BRWD1: variants seen among roughly 807,000 people sequenced by gnomAD.
BRWD1 encodes bromodomain and WD repeat domain containing 1, also known as bromodomain and WD repeat-containing protein 1.
Under a neutral mutation model 251.2 loss-of-function variants are expected in BRWD1, and 82 were observed. That is an observed-to-expected ratio of 0.33 (90% CI 0.27 to 0.39). The LOEUF is 0.39. Ranked by LOEUF, BRWD1 falls within the 10% of genes least tolerant of loss-of-function variation. BRWD1 has a pLI of 1.00. For missense variants in BRWD1, 2,233 were observed against 2,711.6 expected, an observed-to-expected ratio of 0.82 and a Z score of 3.92; for synonymous variants, 918 against 902.8, an observed-to-expected ratio of 1.02 and a Z score of -0.30.
At position 39,296,261 on chromosome 21, in the gene BRWD1, T is replaced by C; in HGVS notation, c.448+4A>G. 1 of 1,587,124 alleles carries C rather than the reference T, an allele frequency of 6.3e-7. No homozygotes were observed. Among genetic ancestry groups the C allele is most frequent in the Non-Finnish European group, 8.5e-7 (1 of 1,170,224 alleles). On this transcript the variant is annotated splice_donor_region_variant and intron_variant, in intron 6 of 40. Transcript: ENST00000342449. ...CAGGCATCTCAAAGGCCAACCTTAC[T>C]TACCAAGATTTGGTGGGGAACCATA...
At chr21:39,213,391 G>A in intron 33 of BRWD1, 90 bp downstream of exon 33, 1 of 1,002,576 alleles carries the variant, frequency 1.0e-6, no homozygotes, top group Non-Finnish European at 1.5e-6. Context: ...ACTACTACAA[G>A]AGTTGGTACT....
chr21:39,190,448 C>A lies in BRWD1; in HGVS notation c.*5811G>T. 1 of 985,308 alleles carries A rather than the reference C, an allele frequency of 1.0e-6. No homozygotes were observed. Among genetic ancestry groups the A allele is most frequent in the Non-Finnish European group, 1.2e-6 (1 of 829,874 alleles). 61.0% of individuals were successfully genotyped at this position (985,308 alleles called of 1,614,324 possible). A position where few individuals can be genotyped will look rare whatever the true frequency, so the allele number is the denominator to read the frequency against. ...AAAACATACTAGCCTCTTTCATAAA[C>A]TCCTAGAATCTTGACATTATTGGTT... On this transcript the variant is annotated 3_prime_UTR_variant, in exon 41 of 41. Transcript: ENST00000342449.
intron 21 of BRWD1, among the ~76,000 whole-genome samples, chr21:39,239,800 T>C (rs966922501): frequency 3.0e-4 from 45 of 152,200 alleles, no homozygotes; most frequent in African/African-American, 1.0e-3. Flanking sequence ...TCATTACTGA[T>C]AGGAATGCAA....
Position 39,194,152 on chromosome 21 carries a change from A to G in BRWD1, c.*2107T>C. On this transcript the variant is annotated 3_prime_UTR_variant, in exon 41 of 41. Coordinates refer to ENST00000342449, the MANE Select transcript of BRWD1 (RefSeq NM_033656.4). ...TGGATGGCCAGTCAATGACCAATTA[A>G]TGCAGTCCAAATAATCAGAATAGTT... 2.0e-6 allele frequency: 2 copies of G among 985,146 alleles called. No individual in the cohort carries two copies. Among genetic ancestry groups the G allele is most frequent in the Non-Finnish European group, 2.4e-6 (2 of 829,660 alleles). The allele number at this position is 985,146 out of a possible 1,614,324, so 61.0% of individuals were successfully genotyped here.
rs1404978034 is a variant in BRWD1, at chr21:39,313,487, G to A, written c.5C>T (p.Ala2Val). 9.0e-6 allele frequency: 12 copies of A among 1,336,888 alleles called. No individual in the cohort carries two copies. Among genetic ancestry groups the A allele is most frequent in the Non-Finnish European group, 1.0e-5 (11 of 1,050,500 alleles). The allele number at this position is 1,336,888 out of a possible 1,614,324, so 82.8% of individuals were successfully genotyped here. M[A>V]EPSSARRPVP... ...CGGGCGTCGGGCGGACGACGGCTCC[G>A]CCATGGCCGGGCGCGGGGCGGGAGG... is the stretch of plus-strand genomic sequence containing the variant. Residue 2 changes from alanine to valine, a missense_variant, in exon 1 of 41, where the codon GCG becomes GTG. Physicochemically the swap from Ala to Val is moderately conservative, Grantham distance 64 (BLOSUM62 0). Around this residue, in one of 12 missense-constraint regions of BRWD1, gnomAD observed 101 missense variants for 95.6 expected, o/e 1.06. Transcript: ENST00000342449.
intron 5 of BRWD1, chr21:39,297,128 A>C: frequency 1.0e-6 from 1 of 985,416 alleles, no homozygotes; most frequent in Non-Finnish European, 1.2e-6. Flanking sequence ...TAAGAAAAAA[A>C]AGTCTGCCCT....
At chr21:39,215,097 TGACCGCAA>T in intron 32 of BRWD1, 132 bp downstream of exon 32, 1 of 732,692 alleles carries the variant, frequency 1.4e-6, no homozygotes, top group Admixed American at 2.6e-5. Flanking sequence ...CTCAAATGCC[TGACCGCAA>T]GTGATCTGAC....
rs911304162 is a variant in BRWD1 at position 39,192,221 on chromosome 21, C to A, written c.*4038G>T. 6 of 983,204 alleles carry A rather than the reference C, an allele frequency of 6.1e-6. No homozygotes were observed. Among genetic ancestry groups the A allele is most frequent in the Admixed American group, 6.3e-5 (1 of 15,860 alleles). The allele number at this position is 983,204 out of a possible 1,614,324, so 60.9% of individuals were successfully genotyped here. A position where few individuals can be genotyped will look rare whatever the true frequency, so the allele number is the denominator to read the frequency against. ...TTTAACAGCCTTTAAAACTTAAAAT[C>A]GTAAGAAAAGACAACACAGCCCTTA... On this transcript the variant is annotated 3_prime_UTR_variant, in exon 41 of 41. Coordinates refer to ENST00000342449, the MANE Select transcript of BRWD1 (RefSeq NM_033656.4).
intron 10 of BRWD1, 132 bp from the exon 11 acceptor site, chr21:39,277,483 T>C (rs2035314133): frequency 3.5e-6 from 2 of 570,696 alleles, no homozygotes; most frequent in Admixed American, 3.8e-5. Flanking sequence ...AGTTACATTT[T>C]CTGACTCACT....
chr21:39,213,832 A>G (rs1001834945), intron 32 of BRWD1, among the ~76,000 whole-genome samples: 2 of 151,958 alleles, frequency 1.3e-5, no homozygotes, highest in African/African-American at 4.8e-5. Flanking sequence ...GGATGAATAC[A>G]TGGATGAGTT....
chr21:39,320,263 C>T (rs912194535), intron 1 of BRWD1, among the ~76,000 whole-genome samples: 4 of 152,170 alleles, frequency 2.6e-5, no homozygotes, highest in African/African-American at 9.7e-5. Flanking sequence ...TATAGAGACC[C>T]TCTCTTTGCA....
intron 4 of BRWD1, among the ~76,000 whole-genome samples, chr21:39,310,646 G>A (rs898175184): frequency 6.6e-6 from 1 of 152,108 alleles, no homozygotes; most frequent in East Asian, 1.9e-4. Context: ...GATATACAGC[G>A]GTGCATTACA....
chr21:39,210,479 C>A (rs1342808153), intron 35 of BRWD1, among the ~76,000 whole-genome samples: 1 of 152,054 alleles, frequency 6.6e-6, no homozygotes, highest in Non-Finnish European at 1.5e-5. Context: ...AGAGTGCAAA[C>A]AGACACGTTT....
At chr21:39,259,710 G>A (rs1031988505) in intron 17 of BRWD1, among the ~76,000 whole-genome samples, 7 of 152,096 alleles carry the variant, frequency 4.6e-5, no homozygotes, top group African/African-American at 1.4e-4. Context: ...GGTGGCGCAC[G>A]CCTGTAGTCA....
intron 13 of BRWD1, among the ~76,000 whole-genome samples, chr21:39,271,091 G>C (rs1444849622): frequency 3.3e-5 from 5 of 151,882 alleles, no homozygotes; most frequent in Admixed American, 3.3e-4. Context: ...TCAGCGGTTT[G>C]AGACTAGCCT....
At position 39,313,540 on chromosome 21, in the gene BRWD1, T is replaced by G; in HGVS notation, c.-49A>C. The G allele has an allele frequency of 1.5e-6, 2 of 1,310,922 alleles. No individual in the cohort carries two copies. Among genetic ancestry groups the G allele is most frequent in the Non-Finnish European group, 1.9e-6 (2 of 1,036,498 alleles). 81.2% of individuals were successfully genotyped at this position (1,310,922 alleles called of 1,614,324 possible). On this transcript the variant is annotated 5_prime_UTR_variant, in exon 1 of 41. Coordinates refer to ENST00000342449, the MANE Select transcript of BRWD1 (RefSeq NM_033656.4). ...GGAGCGAGCGAGCGAGCGGAGCGTGTAGGCCGCGCCGAGGCCTGACCGGGC... is the reference window on the plus strand; with the variant it reads ...GGAGCGAGCGAGCGAGCGGAGCGTGGAGGCCGCGCCGAGGCCTGACCGGGC...
In BRWD1 at chr21:39,270,303, G is replaced by C. The variant is rs1487266121; in HGVS notation, c.1375C>G (p.Gln459Glu). 1 of 1,600,856 alleles carries C rather than the reference G, an allele frequency of 6.2e-7. No individual in the cohort carries two copies. The highest frequency in any genetic ancestry group is 1.3e-5 in the African/African-American group (1 of 74,320). The change falls in exon 14 of 41, where the codon CAA (glutamine) becomes GAA (glutamate). Residue 459 changes from glutamine to glutamate, a missense_variant. Gln to Glu is a conservative substitution (Grantham distance 29). Around this residue, in one of 12 missense-constraint regions of BRWD1, gnomAD observed 315 missense variants for 421.8 expected, o/e 0.75. Transcript: ENST00000342449. ...CCTACCATTAAGTTATGAAGCAGTT[G>C]TCCAGTGTAAGAATTCCACACTTTG... is the stretch of plus-strand genomic sequence containing the variant. ...VLKVWNSYTG[Q>E]LLHNLMGHAD... is the part of the protein sequence containing the mutation.
At position 39,196,317 on chromosome 21, in the gene BRWD1, T is replaced by C; in HGVS notation, c.6752A>G (p.Asp2251Gly). ...TTCTAAACTTCTGTCATCATCCCCA[T>C]CATGGTATCTCACAGTCCTTCTACC... ...NQGRRTVRYH[D>G]GDDDRSLENV... Residue 2251 changes from aspartate to glycine, a missense_variant, in exon 41 of 41, where the codon GAT (aspartate) becomes GGT (glycine). By Grantham distance (94) the Asp-to-Gly change is moderately conservative (BLOSUM62 -1). Coordinates refer to ENST00000342449, the MANE Select transcript of BRWD1 (RefSeq NM_033656.4). 6.2e-7 allele frequency: 1 copy of C among 1,612,458 alleles called. No homozygotes were observed. Among genetic ancestry groups the C allele is most frequent in the Non-Finnish European group, 8.5e-7 (1 of 1,179,306 alleles).
chr21:39,275,796 G>A (rs1031764807), intron 12 of BRWD1, among the ~76,000 whole-genome samples: 2 of 152,290 alleles, frequency 1.3e-5, no homozygotes, highest in African/African-American at 4.8e-5. Flanking sequence ...ACTTTAGGAG[G>A]GCGAGGCAGG....
Sources: allele counts gnomAD v4.1 joint callset (sites outside exome capture counted in the v4.1 genomes callset), GRCh38; gene constraint gnomAD v4.1.1; regional missense constraint gnomAD v4.1.1; transcripts MANE v1.5; gene names NCBI Gene and HGNC (gene_info 2026-07-23, HGNC 2026-07-21).